Variants in PLXDC2 observed in about 807,000 individuals in gnomAD.
PLXDC2 encodes plexin domain-containing protein 2.
A neutral mutation model predicts 68.9 loss-of-function variants in PLXDC2; 40 were observed. That is an observed-to-expected ratio of 0.58 (90% confidence interval 0.45 to 0.76). The LOEUF (loss-of-function observed/expected upper bound fraction) is 0.76. Among genes scored for constraint, PLXDC2 ranks in the 30% least tolerant of loss-of-function variants. The pLI is 0.00. For missense variants in PLXDC2, 644 were observed against 661.9 expected (o/e 0.97, Z 0.30); for synonymous variants, 243 against 234.2 (o/e 1.04, Z -0.34).
intron 13 of PLXDC2, among the ~76,000 whole-genome samples, chr10:20,249,929 A>G (rs553096162): frequency 3.3e-4 from 50 of 152,172 alleles, no homozygotes; most frequent in Non-Finnish European, 6.3e-4. Flanking sequence ...AAACACTTGT[A>G]TGAGTTAGTT....
chr10:20,045,501 A>G (rs968187701), intron 2 of PLXDC2, among the ~76,000 whole-genome samples: 1 of 152,276 alleles, frequency 6.6e-6, no homozygotes, highest in East Asian at 1.9e-4. Context: ...TACTGTTAAC[A>G]TTTAATCACT....
intron 3 of PLXDC2, among the ~76,000 whole-genome samples, chr10:20,052,722 C>CAAAAAAAAAAAAAAAAAAAGA (rs1835926099): frequency 1.5e-4 from 14 of 92,672 alleles, no homozygotes; most frequent in African/African-American, 2.3e-4. Flanking sequence ...ACAAATTATG[C>CAAAAAAAAAAAAAAAAAAAGA]AAAAAAAAAA....
At chr10:20,197,398 C>G (rs889211040) in intron 9 of PLXDC2, among the ~76,000 whole-genome samples, 1 of 152,166 alleles carries the variant, frequency 6.6e-6, no homozygotes, top group African/African-American at 2.4e-5. Flanking sequence ...GCTCTGTCAG[C>G]AGGCTGGAGT....
chr10:19,854,471 G>T (rs767346233), intron 1 of PLXDC2, among the ~76,000 whole-genome samples: 1 of 152,138 alleles, frequency 6.6e-6, no homozygotes, highest in Non-Finnish European at 1.5e-5. Flanking sequence ...GGTGCTACTG[G>T]TGTCTAGTGA....
chr10:19,941,801 C>T (rs896788056), intron 1 of PLXDC2, among the ~76,000 whole-genome samples: 2 of 152,136 alleles, frequency 1.3e-5, no homozygotes, highest in Non-Finnish European at 2.9e-5. Flanking sequence ...CCTTTTGACT[C>T]TGCTAACGTG....
At chr10:19,952,267 G>A (rs771894225) in intron 1 of PLXDC2, among the ~76,000 whole-genome samples, 3 of 151,986 alleles carry the variant, frequency 2.0e-5, no homozygotes, top group Non-Finnish European at 2.9e-5. Flanking sequence ...ATATCTCTCC[G>A]TCCGCTTGGC....
intron 1 of PLXDC2, among the ~76,000 whole-genome samples, chr10:19,961,586 T>C (rs1454899231): frequency 6.6e-6 from 1 of 152,238 alleles, no homozygotes; most frequent in Admixed American, 6.5e-5. Context: ...AGGTTAACTT[T>C]CCAGGAAGTT....
At chr10:20,046,694 ATG>A (rs1269182066) in intron 2 of PLXDC2, among the ~76,000 whole-genome samples, 173 bp from the exon 3 acceptor site, 1 of 151,964 alleles carries the variant, frequency 6.6e-6, no homozygotes, top group Admixed American at 6.6e-5. Context: ...TACAGTTCGT[ATG>A]TGTGTGTGTG....
intron 7 of PLXDC2, among the ~76,000 whole-genome samples, chr10:20,172,124 A>G (rs1236082278): frequency 2.0e-5 from 3 of 150,900 alleles, no homozygotes; most frequent in South Asian, 2.1e-4. Flanking sequence ...AAGGAAAAAC[A>G]TTTGCTTCAG....
At chr10:20,042,164 G>A (rs543244297) in intron 2 of PLXDC2, among the ~76,000 whole-genome samples, 8 of 152,048 alleles carry the variant, frequency 5.3e-5, no homozygotes, top group African/African-American at 1.7e-4. Flanking sequence ...GCCAGTAGTG[G>A]GTTCATCTCT....
chr10:20,117,514 G>A (rs746600595), intron 4 of PLXDC2, among the ~76,000 whole-genome samples: 9 of 152,142 alleles, frequency 5.9e-5, no homozygotes, highest in Non-Finnish European at 1.3e-4. Context: ...ATGGACTCTT[G>A]ATTCGCCAGG....
intron 4 of PLXDC2, among the ~76,000 whole-genome samples, chr10:20,085,176 G>A (rs1288247595): frequency 6.8e-6 from 1 of 147,160 alleles, no homozygotes; most frequent in Non-Finnish European, 1.5e-5. Flanking sequence ...TTAAAAAAAG[G>A]TGGGGGGAGC....
intron 1 of PLXDC2, among the ~76,000 whole-genome samples, chr10:19,917,407 T>C (rs565871409): frequency 1.3e-5 from 2 of 152,330 alleles, no homozygotes; most frequent in South Asian, 2.1e-4. Context: ...CATCCTGAAA[T>C]TGAGCATCAA....
At chr10:20,053,913 T>C (rs950433574) in intron 3 of PLXDC2, among the ~76,000 whole-genome samples, 1 of 152,154 alleles carries the variant, frequency 6.6e-6, no homozygotes, top group Non-Finnish European at 1.5e-5. Context: ...AAAAGAACAC[T>C]GAAAACTTCA....
At chr10:19,899,632 G>T (rs1838124902) in intron 1 of PLXDC2, among the ~76,000 whole-genome samples, 1 of 152,086 alleles carries the variant, frequency 6.6e-6, no homozygotes, top group Non-Finnish European at 1.5e-5. Context: ...TATATATTTG[G>T]TCTGAAAGTA....
intron 1 of PLXDC2, among the ~76,000 whole-genome samples, chr10:19,949,887 C>T (rs761215657): frequency 6.6e-6 from 1 of 152,134 alleles, no homozygotes; most frequent in Non-Finnish European, 1.5e-5. Context: ...TTTATCCATG[C>T]TCAATATATG....
rs569958548 is a variant in PLXDC2 at position 19,885,261 on chromosome 10, T to G, written c.112+68070T>G. ...GTAGATTCTGGATATTAGCCCTTTG[T>G]CAGATGAGTAGGTTGCGAAAATTTT... On this transcript the variant is annotated intron_variant, in intron 1 of 13. Coordinates refer to ENST00000377252, the MANE Select transcript of PLXDC2 (RefSeq NM_032812.9). Among the ~76,000 whole-genome samples, 20 of 151,646 alleles carry G rather than the reference T, an allele frequency of 1.3e-4. No individual in the cohort carries two copies. In the South Asian group the frequency reaches 4.2e-3, roughly 32 times the overall value.
chr10:19,959,148 G>C (rs1834117239), intron 1 of PLXDC2, among the ~76,000 whole-genome samples: 1 of 152,146 alleles, frequency 6.6e-6, no homozygotes, highest in East Asian at 1.9e-4. Flanking sequence ...CTGAGATGTT[G>C]AGCAGTTTAC....
Position 20,217,496 on chromosome 10 carries a change from C to T in PLXDC2, c.1193C>T (p.Ala398Val), listed in dbSNP as rs201940365. ...TSSRTTTTVG[A>V]TTTQFRVLTT... ...TCTCGAACCACCACAACCGTAGGAGCGACAACCACCCAGTTCAGGGTCCTA... is the reference window on the plus strand; with the variant it reads ...TCTCGAACCACCACAACCGTAGGAGTGACAACCACCCAGTTCAGGGTCCTA... Residue 398 changes from alanine to valine, a missense_variant, in exon 11 of 14, where the codon GCG (alanine) becomes GTG (valine). Transcript: ENST00000377252. 1.3e-4 allele frequency: 217 copies of T among 1,612,038 alleles called. No homozygotes were observed. The highest frequency in any genetic ancestry group is 6.6e-4 in the Middle Eastern group (4 of 6,050).
Sources: allele counts gnomAD v4.1 joint callset (sites outside exome capture counted in the v4.1 genomes callset), GRCh38; gene constraint gnomAD v4.1.1; transcripts MANE v1.5; gene names NCBI Gene and HGNC (gene_info 2026-07-23, HGNC 2026-07-21).